PCDHGB5: variants seen among roughly 807,000 people sequenced by gnomAD.
The protein encoded by PCDHGB5 is protocadherin gamma subfamily B, 5.
PCDHGB5 carries 48 observed loss-of-function variants against 62.9 expected under a neutral mutation model. The observed-to-expected ratio is 0.76, with a 90% CI of 0.61 to 0.97. PCDHGB5 has a LOEUF of 0.97. Among genes scored for constraint, PCDHGB5 ranks in the 50% least tolerant of loss-of-function variants. The pLI, the probability that PCDHGB5 is intolerant of heterozygous loss-of-function variation, is 0.00. For synonymous variants in PCDHGB5, 474 were observed against 511.2 expected (o/e 0.93, Z 0.98); for missense variants, 1,118 against 1,198.6 (o/e 0.93, Z 0.99).
Position 141,485,966 on chromosome 5 carries a change from A to T in PCDHGB5, c.2398-8841A>T. ...AGCGGGCATGGTGCTCATCCAGCTC[A>T]ATGCCTCAGACCCGGACCTGGGTCC... On this transcript the variant is annotated intron_variant, in intron 1 of 3. Coordinates refer to ENST00000617380, the MANE Select transcript of PCDHGB5 (RefSeq NM_018925.3). The surrounding 1 kb of genome is among the most constrained non-coding windows in gnomAD (Gnocchi z 5.7). 1 of 1,614,168 alleles carries T rather than the reference A, an allele frequency of 6.2e-7. No individual in the cohort carries two copies. Among genetic ancestry groups the T allele is most frequent in the Non-Finnish European group, 8.5e-7 (1 of 1,179,988 alleles).
intron 1 of PCDHGB5, among the ~76,000 whole-genome samples, chr5:141,459,035 A>T (rs1404092581): frequency 6.6e-6 from 1 of 152,218 alleles, no homozygotes; most frequent in Non-Finnish European, 1.5e-5. Context: ...ATCCAGCCTT[A>T]CCAGCTATAT....
chr5:141,413,256 A>G (rs1255086187), intron 1 of PCDHGB5: 2 of 1,613,946 alleles, frequency 1.2e-6, no homozygotes, highest in Admixed American at 1.7e-5. Context: ...TCGGGATTCC[A>G]TGGGAGGCTG....
rs2097419057 is a variant in PCDHGB5 at position 141,431,807 on chromosome 5, A to G, written c.2397+31283A>G. 4 of 1,614,050 alleles carry G rather than the reference A, an allele frequency of 2.5e-6. No individual in the cohort carries two copies. Among genetic ancestry groups the G allele is most frequent in the Non-Finnish European group, 2.5e-6 (3 of 1,180,038 alleles). On this transcript the variant is annotated intron_variant, in intron 1 of 3. Coordinates refer to ENST00000617380, the MANE Select transcript of PCDHGB5 (RefSeq NM_018925.3). This position sits in a 1 kb window ranked among gnomAD's most constrained non-coding sequence, Gnocchi z 4.8. ...CGACAATGCCCCAGAAGTGGTCCTC[A>G]CCTCTCTCGCCAGCTCGGTTCCCGA... is the stretch of plus-strand genomic sequence containing the variant.
In PCDHGB5 at chr5:141,418,939, C is replaced by T. The variant is rs766248741; in HGVS notation, c.2397+18415C>T. The T allele has an allele frequency of 8.7e-6, 14 of 1,613,642 alleles. No individual in the cohort carries two copies. In the African/African-American group the frequency reaches 1.7e-4, roughly 20 times the overall value. On this transcript the variant is annotated intron_variant, in intron 1 of 3. Transcript: ENST00000617380. ...TCTCTGATCAGATTATGGAGGATTC[C>T]CCTCCAGGAGTGGTTGTTGCCCTCT...
intron 1 of PCDHGB5, chr5:141,418,101 G>T: frequency 6.2e-7 from 1 of 1,614,082 alleles, no homozygotes; most frequent in Non-Finnish European, 8.5e-7. Context: ...GACGCGCAGA[G>T]CGGGGACTTA....
At chr5:141,459,714 T>C (rs1240430980) in intron 1 of PCDHGB5, among the ~76,000 whole-genome samples, 4 of 152,244 alleles carry the variant, frequency 2.6e-5, no homozygotes, top group Admixed American at 6.5e-5. Flanking sequence ...TTCTCACCAA[T>C]GCTTCCTATT....
chr5:141,457,809 C>A (rs1404645915), intron 1 of PCDHGB5, among the ~76,000 whole-genome samples: 1 of 152,180 alleles, frequency 6.6e-6, no homozygotes, highest in Non-Finnish European at 1.5e-5. Flanking sequence ...CTCTTGAGGT[C>A]CCAAGATAAA....
At position 141,400,611 on chromosome 5, in the gene PCDHGB5, G is replaced by A. The variant is rs555600694; in HGVS notation, c.2397+87G>A. The A allele has an allele frequency of 1.3e-5, 20 of 1,573,002 alleles. No homozygotes were observed. In the African/African-American group the frequency reaches 2.4e-4, roughly 19 times the overall value. On this transcript the variant is annotated intron_variant, in intron 1 of 3. Coordinates refer to ENST00000617380, the MANE Select transcript of PCDHGB5 (RefSeq NM_018925.3). The stretch of plus-strand genomic sequence containing the variant: ...ACTATCGTACATTTTCAAGTCCAAT[G>A]AGTTGTCTTAGGGAAGTCAGAGCTG...
chr5:141,410,849 C>CTTTTTTTTTTT lies in PCDHGB5; in HGVS notation c.2397+10337_2397+10347dup, dbSNP rs759346998. On this transcript the variant is annotated intron_variant, in intron 1 of 3. Coordinates refer to ENST00000617380, the MANE Select transcript of PCDHGB5 (RefSeq NM_018925.3). ...CAGACTGAAGATATTTTGTCTTTGT[C>CTTTTTTTTTTT]TTTTTTTTTTTTTTTTTTTTTTGAG... 217 of 138,154 alleles carry CTTTTTTTTTTT rather than the reference C, an allele frequency of 1.6e-3. 10 individuals carry two copies. The highest frequency in any genetic ancestry group is 4.0e-3 in the African/African-American group (66 of 16,622). The allele number at this position is 138,154 out of a possible 1,614,324, so 8.6% of individuals were successfully genotyped here.
chr5:141,489,178 C>T lies in PCDHGB5; in HGVS notation c.2398-5629C>T, dbSNP rs909255357. ...GAGACTTCAGCTGCTGCATTCCAAG[C>T]CCTGGGTCTACCTTGGAGACAGGAC... On this transcript the variant is annotated intron_variant, in intron 1 of 3. Transcript: ENST00000617380. This position sits in a 1 kb window ranked among gnomAD's most constrained non-coding sequence, Gnocchi z 4.5. 54 of 1,234,872 alleles carry T rather than the reference C, an allele frequency of 4.4e-5. 1 individual carries two copies. In the East Asian group the frequency reaches 1.2e-3, roughly 29 times the overall value. 76.5% of individuals were successfully genotyped at this position (1,234,872 alleles called of 1,614,324 possible). A position where few individuals can be genotyped will look rare whatever the true frequency, so the allele number is the denominator to read the frequency against.
At chr5:141,417,635 G>A in intron 1 of PCDHGB5, 1 of 724,902 alleles carries the variant, frequency 1.4e-6, no homozygotes, top group Non-Finnish European at 2.1e-6. Context: ...CTGACGCCGG[G>A]GATCCCTCAG....
rs138070043 is a variant in PCDHGB5, at chr5:141,512,950, AAAT to A, written c.*1783_*1785del. 5,271 of 152,332 alleles carry A rather than the reference AAAT, an allele frequency of 0.035. 119 individuals carry two copies. The highest frequency in any genetic ancestry group is 0.075 in the South Asian group (360 of 4,826). The allele number at this position is 152,332 out of a possible 1,614,324, so 9.4% of individuals were successfully genotyped here. On this transcript the variant is annotated 3_prime_UTR_variant, in exon 4 of 4. Coordinates refer to ENST00000617380, the MANE Select transcript of PCDHGB5 (RefSeq NM_018925.3). ...ATATGGCTTTTTTTCTTCGACAAAA[AAAT>A]AATAAAACGTTTCTTCTGAAAAGCT...
chr5:141,401,010 G>A (rs62378449), intron 1 of PCDHGB5, among the ~76,000 whole-genome samples: 17,448 of 152,052 alleles, frequency 0.11, 1,158 homozygotes, highest in African/African-American at 0.18. Context: ...CCTACCTAAT[G>A]GATTTATGAT....
intron 1 of PCDHGB5, chr5:141,423,473 C>A: frequency 6.2e-7 from 1 of 1,614,010 alleles, no homozygotes; most frequent in Non-Finnish European, 8.5e-7. Flanking sequence ...GGGGTACAGG[C>A]TTTCCTGCAA....
rs749221752 is a variant in PCDHGB5 at position 141,432,670 on chromosome 5, G to T, written c.2397+32146G>T. ...CGCGAGCCCTGCTGGACAGAGACGCGCTCAAGCAGAGCCTCGTAGTGGCCG... is the reference window on the plus strand; with the variant it reads ...CGCGAGCCCTGCTGGACAGAGACGCTCTCAAGCAGAGCCTCGTAGTGGCCG... On this transcript the variant is annotated intron_variant, in intron 1 of 3. Coordinates refer to ENST00000617380, the MANE Select transcript of PCDHGB5 (RefSeq NM_018925.3). This position sits in a 1 kb window ranked among gnomAD's most constrained non-coding sequence, Gnocchi z 6.0. 7 of 1,613,750 alleles carry T rather than the reference G, an allele frequency of 4.3e-6. No homozygotes were observed. The African/African-American group carries it at 5.3e-5, about 12-fold the overall frequency.
Position 141,486,786 on chromosome 5 carries a change from G to A in PCDHGB5, c.2398-8021G>A, listed in dbSNP as rs1360545946. The A allele has an allele frequency of 1.9e-6, 3 of 1,614,090 alleles. No individual in the cohort carries two copies. The highest frequency in any genetic ancestry group is 2.2e-5 in the East Asian group (1 of 44,892). ...ACACTGCAGTTTGAGGTGCAGGCCC[G>A]GGATCGGGGCAACCCACCCCTTAGC... is the stretch of plus-strand genomic sequence containing the variant. On this transcript the variant is annotated intron_variant, in intron 1 of 3. Coordinates refer to ENST00000617380, the MANE Select transcript of PCDHGB5 (RefSeq NM_018925.3). This position sits in a 1 kb window ranked among gnomAD's most constrained non-coding sequence, Gnocchi z 5.0.
intron 3 of PCDHGB5, among the ~76,000 whole-genome samples, chr5:141,505,969 A>G (rs1454691041): frequency 1.3e-5 from 2 of 152,142 alleles, no homozygotes; most frequent in Non-Finnish European, 2.9e-5. Context: ...AGAAATCCCC[A>G]GCCGAGAGAA....
intron 1 of PCDHGB5, among the ~76,000 whole-genome samples, chr5:141,463,706 A>T (rs568865377): frequency 2.9e-3 from 440 of 152,024 alleles, no homozygotes; most frequent in Non-Finnish European, 4.6e-3. Context: ...TCGGCCTCCA[A>T]AAGTGCTGGG....
At chr5:141,421,973 G>C in intron 1 of PCDHGB5, 1 of 1,610,100 alleles carries the variant, frequency 6.2e-7, no homozygotes, top group Non-Finnish European at 8.5e-7. Context: ...TCCGTATATC[G>C]CGTGAGTGTT....
Sources: allele counts gnomAD v4.1 joint callset (sites outside exome capture counted in the v4.1 genomes callset), GRCh38; gene constraint gnomAD v4.1.1; non-coding constraint Gnocchi (gnomAD v3.1); transcripts MANE v1.5; gene names NCBI Gene and HGNC (gene_info 2026-07-23, HGNC 2026-07-21).